The following CALN1 variants were observed in gnomAD, a reference collection of about 807,000 sequenced individuals.
CALN1 encodes calcium-binding protein 8.
Under a neutral mutation model 30.6 loss-of-function variants are expected in CALN1, and 17 were observed. The observed-to-expected ratio is 0.56, with a 90% CI of 0.38 to 0.83. CALN1 has a LOEUF of 0.83. Ranked by LOEUF, CALN1 falls within the 40% of genes least tolerant of loss-of-function variation. The pLI is 0.00. For synonymous variants in CALN1, 156 were observed against 131.4 expected (o/e 1.19, Z -1.28); for missense variants, 291 against 354.9 (o/e 0.82, Z 1.45).
intron 3 of CALN1, among the ~76,000 whole-genome samples, chr7:72,221,499 G>C (rs1793300347): frequency 6.6e-6 from 1 of 151,700 alleles, no homozygotes; most frequent in African/African-American, 2.4e-5. Context: ...TTTGTGTTAG[G>C]TCACAGCTTT....
intron 1 of CALN1, among the ~76,000 whole-genome samples, chr7:72,420,734 C>G (rs1379010353): frequency 6.6e-6 from 1 of 151,628 alleles, no homozygotes; most frequent in African/African-American, 2.4e-5. Context: ...CGCCATTCTC[C>G]TCCCTCAGTC....
chr7:72,008,488 C>G (rs917312681), intron 5 of CALN1, among the ~76,000 whole-genome samples: 1 of 151,224 alleles, frequency 6.6e-6, no homozygotes, highest in Non-Finnish European at 1.5e-5. Flanking sequence ...ATGATCAGAA[C>G]AAGAAGCAAG....
intron 2 of CALN1, among the ~76,000 whole-genome samples, chr7:72,366,384 C>T (rs894085662): frequency 9.9e-5 from 15 of 152,084 alleles, no homozygotes; most frequent in African/African-American, 3.6e-4. Context: ...CCATGTTGGC[C>T]AAGCTGGTCT....
chr7:72,150,221 A>G (rs1787127012), intron 3 of CALN1, among the ~76,000 whole-genome samples: 1 of 152,174 alleles, frequency 6.6e-6, no homozygotes, highest in Admixed American at 6.5e-5. Context: ...TGCATATGCA[A>G]GATGGAGCCC....
intron 1 of CALN1, among the ~76,000 whole-genome samples, chr7:72,433,550 T>C (rs535373862): frequency 3.9e-4 from 59 of 152,116 alleles, no homozygotes; most frequent in African/African-American, 1.4e-3. Context: ...TAGAAATCCA[T>C]GGAAACCCCA....
chr7:72,488,275 G>A, the CALN1 span, among the ~76,000 whole-genome samples: 2 of 152,018 alleles, frequency 1.3e-5, no homozygotes, highest in Non-Finnish European at 2.9e-5. Flanking sequence ...GGAGGCTGAG[G>A]CAGGAGGATT....
intron 5 of CALN1, among the ~76,000 whole-genome samples, chr7:72,019,607 T>C (rs1334229109): frequency 6.6e-6 from 1 of 152,128 alleles, no homozygotes; most frequent in Admixed American, 6.6e-5. Flanking sequence ...AGTAGGGACC[T>C]GAGGGCTCCC....
intron 2 of CALN1, among the ~76,000 whole-genome samples, chr7:72,329,042 T>G (rs999608502): frequency 1.3e-5 from 2 of 152,262 alleles, no homozygotes; most frequent in African/African-American, 4.8e-5. Context: ...TGTAAATGTG[T>G]GTTCATTTGC....
At chr7:72,115,344 A>AT (rs1333682465) in intron 3 of CALN1, among the ~76,000 whole-genome samples, 3,400 of 140,910 alleles carry the variant, frequency 0.024, 107 homozygotes, top group African/African-American at 0.069. Flanking sequence ...CTCCACCTGG[A>AT]TTTTTTTTTT....
intron 1 of CALN1, among the ~76,000 whole-genome samples, chr7:72,439,035 C>G (rs553490402): frequency 1.3e-5 from 2 of 152,066 alleles, no homozygotes. Flanking sequence ...AATCTGCATA[C>G]GACTTTTTCT....
chr7:72,028,307 C>T (rs193270841), intron 4 of CALN1, among the ~76,000 whole-genome samples: 7 of 152,188 alleles, frequency 4.6e-5, no homozygotes, highest in South Asian at 2.1e-4. Context: ...GTGCAGGGAG[C>T]GCAGCAGTTT....
At chr7:71,929,904 C>A (rs184514074) in intron 5 of CALN1, among the ~76,000 whole-genome samples, 1 of 152,142 alleles carries the variant, frequency 6.6e-6, no homozygotes, top group Non-Finnish European at 1.5e-5. Context: ...AGCTGTCCCT[C>A]GGTATCTGTG....
chr7:72,366,968 C>T (rs1007597832), intron 2 of CALN1, among the ~76,000 whole-genome samples: 3 of 152,098 alleles, frequency 2.0e-5, no homozygotes, highest in Non-Finnish European at 2.9e-5. Flanking sequence ...GATATATTTA[C>T]ACAAAGGGAA....
chr7:72,168,805 A>ATT lies in CALN1; in HGVS notation c.245-62513_245-62512dup, dbSNP rs3030351. On this transcript the variant is annotated intron_variant, in intron 3 of 6. Coordinates refer to ENST00000395275, the MANE Select transcript of CALN1 (RefSeq NM_031468.4). Reference sequence around the variant, plus strand: ...ATGCCTGCTTATTATTATTATTATTATTTTTTTTTTTTTTTTTGAGATGGA... The same window carrying ATT: ...ATGCCTGCTTATTATTATTATTATTATTTTTTTTTTTTTTTTTTTGAGATGGA... Among the ~76,000 whole-genome samples, 665 of 128,464 alleles carry ATT rather than the reference A, an allele frequency of 5.2e-3. 12 individuals carry two copies. Among genetic ancestry groups the ATT allele is most frequent in the Admixed American group, 0.038 (449 of 11,736 alleles). 84.3% of individuals were successfully genotyped at this position (128,464 alleles called of 152,430 possible). A position where few individuals can be genotyped will look rare whatever the true frequency, so the allele number is the denominator to read the frequency against.
At chr7:72,198,592 C>A (rs1190523235) in intron 3 of CALN1, among the ~76,000 whole-genome samples, 2 of 152,150 alleles carry the variant, frequency 1.3e-5, no homozygotes, top group Non-Finnish European at 2.9e-5. Flanking sequence ...AACCACCCCC[C>A]ACCCTTTAAA....
intron 5 of CALN1, among the ~76,000 whole-genome samples, chr7:71,984,181 C>T (rs80000330): frequency 0.011 from 1,612 of 152,228 alleles, 15 homozygotes; most frequent in Admixed American, 0.02. Context: ...AACACTCTTT[C>T]TCTTTGCATA....
chr7:72,142,306 C>T (rs1054115591), intron 3 of CALN1, among the ~76,000 whole-genome samples: 4 of 152,174 alleles, frequency 2.6e-5, no homozygotes, highest in Admixed American at 6.5e-5. Flanking sequence ...TCTTAGCAAA[C>T]GGCACACCAG....
chr7:72,459,733 T>C, the CALN1 span, among the ~76,000 whole-genome samples: 1 of 149,738 alleles, frequency 6.7e-6, no homozygotes, highest in Non-Finnish European at 1.5e-5. Context: ...TCAAAGGAAA[T>C]GTATATTTTC....
chr7:72,273,575 G>A (rs1180768180), intron 3 of CALN1, among the ~76,000 whole-genome samples: 2 of 145,234 alleles, frequency 1.4e-5, no homozygotes, highest in African/African-American at 2.5e-5. Context: ...TGCAAGTGCA[G>A]TAGTACAATC....
Sources: allele counts gnomAD v4.1 joint callset (sites outside exome capture counted in the v4.1 genomes callset), GRCh38; gene constraint gnomAD v4.1.1; transcripts MANE v1.5; gene names NCBI Gene and HGNC (gene_info 2026-07-23, HGNC 2026-07-21).